Variants in DCST1 observed in about 807,000 individuals in gnomAD.
The protein encoded by DCST1 is E3 ubiquitin-protein ligase DCST1.
A neutral mutation model predicts 89.1 loss-of-function variants in DCST1; 78 were observed. That is an observed-to-expected ratio of 0.88 (90% confidence interval 0.73 to 1.06). The LOEUF (loss-of-function observed/expected upper bound fraction) is 1.06. Among genes scored for constraint, DCST1 ranks in the 50% least tolerant of loss-of-function variants. The pLI is 0.00. For synonymous variants in DCST1, 364 were observed against 371.9 expected (o/e 0.98, Z 0.24); for missense variants, 900 against 928.6 (o/e 0.97, Z 0.40).
intron 8 of DCST1, 97 bp from the exon 9 acceptor site, chr1:155,042,638 A>C: frequency 6.5e-7 from 1 of 1,549,578 alleles, no homozygotes. Flanking sequence ...AGAGACAAAA[A>C]AGCAGGATGA....
At chr1:155,040,098 C>T (rs1366410990) in intron 5 of DCST1, among the ~76,000 whole-genome samples, 11 of 147,360 alleles carry the variant, frequency 7.5e-5, no homozygotes, top group African/African-American at 2.3e-4. Flanking sequence ...GTCAGGAGTT[C>T]GACACCAGCC....
intron 10 of DCST1, among the ~76,000 whole-genome samples, chr1:155,044,640 G>T (rs1660555810): frequency 6.6e-6 from 1 of 152,246 alleles, no homozygotes; most frequent in South Asian, 2.1e-4. Context: ...GCTCCAAATG[G>T]CCGCAGATGC....
chr1:155,043,870 T>C (rs1660517175), intron 10 of DCST1, among the ~76,000 whole-genome samples: 1 of 152,222 alleles, frequency 6.6e-6, no homozygotes, highest in Non-Finnish European at 1.5e-5. Context: ...TTTGCTTTCA[T>C]TTTCTCCTGC....
At position 155,041,385 on chromosome 1, in the gene DCST1, C is replaced by G; in HGVS notation, c.532-12C>G. ...AGCCCTCACCCTTTCCTCCCTCCAC[C>G]TCCAATCCCAGAGTAGCAAAGAATT... On this transcript the variant is annotated splice_polypyrimidine_tract_variant and intron_variant, in intron 6 of 16. Coordinates refer to ENST00000295542, the MANE Select transcript of DCST1 (RefSeq NM_152494.4). 1 of 1,613,486 alleles carries G rather than the reference C, an allele frequency of 6.2e-7. No homozygotes were observed. The highest frequency in any genetic ancestry group is 8.5e-7 in the Non-Finnish European group (1 of 1,179,966).
intron 8 of DCST1, 133 bp from the exon 9 acceptor site, chr1:155,042,602 T>C (rs1660469035): frequency 7.5e-6 from 9 of 1,199,152 alleles, no homozygotes; most frequent in Non-Finnish European, 1.1e-5. Context: ...AGACTCAGCA[T>C]TGGTGTGGTA....
chr1:155,046,600 CTT>C (rs71077975), intron 13 of DCST1, 114 bp downstream of exon 13: 5,940 of 529,748 alleles, frequency 0.011, no homozygotes, highest in Non-Finnish European at 0.013. Context: ...CCTTCTGCCT[CTT>C]TTTTTTTTTT....
chr1:155,036,973 G>A lies in DCST1; in HGVS notation c.262+2246G>A, dbSNP rs1660296664. ...AATGGGGTCTCGCTATATTGCCCAG[G>A]CAGGTCTCAAACCCCTGGGCTCAAG... On this transcript the variant is annotated intron_variant, in intron 4 of 16. Transcript: ENST00000295542. Among the ~76,000 whole-genome samples, 3 of 152,252 alleles carry A rather than the reference G, an allele frequency of 2.0e-5. No homozygotes were observed. The South Asian group carries it at 6.2e-4, about 32-fold the overall frequency.
chr1:155,042,281 T>G (rs1187851760), intron 8 of DCST1, among the ~76,000 whole-genome samples: 1 of 152,128 alleles, frequency 6.6e-6, no homozygotes, highest in Non-Finnish European at 1.5e-5. Context: ...GTATATTTAG[T>G]AGAGACGGGG....
intron 14 of DCST1, among the ~76,000 whole-genome samples, chr1:155,047,541 G>C (rs1308326604): frequency 6.6e-6 from 1 of 152,236 alleles, no homozygotes; most frequent in Non-Finnish European, 1.5e-5. Flanking sequence ...TGTGGCTAGG[G>C]GGCCCCAGCC....
chr1:155,045,979 G>A lies in DCST1; in HGVS notation c.1259G>A (p.Arg420His), dbSNP rs191565575. The A allele has an allele frequency of 1.3e-5, 21 of 1,614,136 alleles. No individual in the cohort carries two copies. Among genetic ancestry groups the A allele is most frequent in the Middle Eastern group, 3.3e-4 (2 of 6,062 alleles). Residue 420 changes from arginine (R) to histidine (H), a missense_variant, in exon 11 of 17, where the codon CGC (arginine) becomes CAC (histidine). Physicochemically the swap from Arg to His is conservative, Grantham distance 29. Transcript: ENST00000295542. Reference protein sequence around the residue: ...ISTYFCQIDDRRKKLGKRTLL... With the variant: ...ISTYFCQIDDHRKKLGKRTLL... The stretch of plus-strand genomic sequence containing the variant: ...ACCTACTTCTGCCAGATCGATGACC[G>A]CAGGAAGAAGCTGGTGAGTGGGCAC...
intron 4 of DCST1, 50 bp downstream of exon 4, chr1:155,034,777 GCGC>G (rs1378324510): frequency 1.9e-6 from 3 of 1,597,534 alleles, no homozygotes; most frequent in Non-Finnish European, 2.6e-6. Context: ...GTGGAACACA[GCGC>G]CGTCCTGCAT....
intron 10 of DCST1, 93 bp from the exon 11 acceptor site, chr1:155,045,800 G>A (rs1660600030): frequency 1.2e-5 from 12 of 1,033,086 alleles, no homozygotes; most frequent in Admixed American, 1.7e-5. Context: ...CTGGCTGGTT[G>A]GTTGAATGAC....
chr1:155,047,217 A>G lies in DCST1; in HGVS notation c.1517A>G (p.Lys506Arg), dbSNP rs745319453. 1 of 1,614,096 alleles carries G rather than the reference A, an allele frequency of 6.2e-7. No individual in the cohort carries two copies. Among genetic ancestry groups the G allele is most frequent in the African/African-American group, 1.3e-5 (1 of 74,932 alleles). Reference protein sequence around the residue: ...SFRSSHKLEVKVGGDSMLARL... With the variant: ...SFRSSHKLEVRVGGDSMLARL... ...GCAGGCAGTCATAAACTGGAGGTGA[A>G]GGTCGGGGGAGACTCCATGCTAGCC... is the stretch of plus-strand genomic sequence containing the variant. The change falls in exon 14 of 17, where the codon AAG (lysine) becomes AGG (arginine). Residue 506 changes from lysine (K) to arginine (R), a missense_variant. Physicochemically the swap from Lys to Arg is conservative, Grantham distance 26. Transcript: ENST00000295542.
chr1:155,047,167 G>A, intron 13 of DCST1, 29 bp from the exon 14 acceptor site: 1 of 1,586,534 alleles, frequency 6.3e-7, no homozygotes, highest in Non-Finnish European at 8.7e-7. Flanking sequence ...CACCTGCCCT[G>A]ACTTCCCTAC....
At chr1:155,041,879 T>TG (rs767372349) in intron 8 of DCST1, 22 bp downstream of exon 8, 5 of 1,613,656 alleles carry the variant, frequency 3.1e-6, no homozygotes, top group Non-Finnish European at 4.2e-6. Flanking sequence ...TGCAAAGGGG[T>TG]GGGGAGCATC....
intron 10 of DCST1, among the ~76,000 whole-genome samples, chr1:155,044,564 C>T (rs539431034): frequency 3.3e-5 from 5 of 150,534 alleles, no homozygotes; most frequent in African/African-American, 9.8e-5. Flanking sequence ...AAGGGCCATT[C>T]TATGGATTGG....
Position 155,046,214 on chromosome 1 carries a change from C to T in DCST1, c.1362C>T (p.Ser454=), listed in dbSNP as rs138335594. ...CCACCATCCAGGCCTCAGAAATGAG[C>T]AATGTGGTGAGGACAGCATGGGGAG... ...CKPTIQASEM[S]NVVRELLETL... Residue 454 remains serine, a synonymous_variant, in exon 12 of 17, where the codon AGC becomes AGT. Transcript: ENST00000295542. 4 of 1,614,204 alleles carry T rather than the reference C, an allele frequency of 2.5e-6. No individual in the cohort carries two copies. The South Asian group carries it at 3.3e-5, about 13-fold the overall frequency.
rs1239960245 is a variant in DCST1 at position 155,034,276 on chromosome 1, C to G, written c.62-159C>G. 10 of 1,576,756 alleles carry G rather than the reference C, an allele frequency of 6.3e-6. No homozygotes were observed. The African/African-American group carries it at 1.2e-4, about 19-fold the overall frequency. On this transcript the variant is annotated intron_variant, in intron 2 of 16. Coordinates refer to ENST00000295542, the MANE Select transcript of DCST1 (RefSeq NM_152494.4). ...TTTGCTGTCCCTTACACCCATACCA[C>G]TTCCTCAGGCTCCCTCATCCTCCTC...
In DCST1 at chr1:155,046,426, G is replaced by A; in HGVS notation, c.1435G>A (p.Ala479Thr). 1 of 1,613,858 alleles carries A rather than the reference G, an allele frequency of 6.2e-7. No homozygotes were observed. The highest frequency in any genetic ancestry group is 1.1e-5 in the South Asian group (1 of 91,066). ...GGTGGTGCTGTGTGGCTTGGACTGGGCTCTCTACTCCATCTTCGACACCAT... is the reference window on the plus strand; with the variant it reads ...GGTGGTGCTGTGTGGCTTGGACTGGACTCTCTACTCCATCTTCGACACCAT... Reference protein sequence around the residue: ...LLVVLCGLDWALYSIFDTIRH... With the variant: ...LLVVLCGLDWTLYSIFDTIRH... Residue 479 changes from alanine to threonine, a missense_variant, in exon 13 of 17, where the codon GCT becomes ACT. Coordinates refer to ENST00000295542, the MANE Select transcript of DCST1 (RefSeq NM_152494.4).
Sources: allele counts gnomAD v4.1 joint callset (sites outside exome capture counted in the v4.1 genomes callset), GRCh38; gene constraint gnomAD v4.1.1; transcripts MANE v1.5; gene names NCBI Gene and HGNC (gene_info 2026-07-23, HGNC 2026-07-21).